Variants in OSBPL8 observed in about 807,000 individuals in gnomAD.
OSBPL8 encodes oxysterol binding protein like 8.
OSBPL8 carries 59 observed loss-of-function variants against 125.5 expected under a neutral mutation model. The ratio of observed to expected loss-of-function variants is 0.47; its 90% CI spans 0.38 to 0.58. OSBPL8 has a LOEUF of 0.58. Among genes scored for constraint, OSBPL8 ranks in the 20% least tolerant of loss-of-function variants. The pLI, the probability that OSBPL8 is intolerant of heterozygous loss-of-function variation, is 0.00. For missense variants in OSBPL8, 758 were observed against 1,047.8 expected, an observed-to-expected ratio of 0.72 and a Z score of 3.82; for synonymous variants, 330 against 338.9, an observed-to-expected ratio of 0.97 and a Z score of 0.29.
chr12:76,407,609 C>T (rs1954324680), intron 5 of OSBPL8, among the ~76,000 whole-genome samples: 1 of 152,180 alleles, frequency 6.6e-6, no homozygotes, highest in Non-Finnish European at 1.5e-5. Context: ...ACAGAATAAA[C>T]TAAGATTAAA....
chr12:76,387,229 G>T (rs965499015), intron 12 of OSBPL8, among the ~76,000 whole-genome samples: 1 of 152,174 alleles, frequency 6.6e-6, no homozygotes, highest in Non-Finnish European at 1.5e-5. Context: ...GTTGACGATA[G>T]CCTCTTTTGT....
intron 1 of OSBPL8, among the ~76,000 whole-genome samples, chr12:76,543,508 G>A (rs1162872554): frequency 6.6e-6 from 1 of 152,070 alleles, no homozygotes; most frequent in African/African-American, 2.4e-5. Context: ...ATTACATAGT[G>A]AATTGTGCAA....
chr12:76,455,745 C>A (rs1873957730), intron 3 of OSBPL8, among the ~76,000 whole-genome samples: 1 of 152,184 alleles, frequency 6.6e-6, no homozygotes, highest in African/African-American at 2.4e-5. Context: ...TTTCCTACAT[C>A]AGTTACATAA....
At chr12:76,523,370 T>C (rs941541647) in intron 1 of OSBPL8, among the ~76,000 whole-genome samples, 1 of 152,200 alleles carries the variant, frequency 6.6e-6, no homozygotes, top group East Asian at 1.9e-4. Context: ...ACAGAGAATG[T>C]AGCAGCTATC....
intron 1 of OSBPL8, among the ~76,000 whole-genome samples, chr12:76,488,422 C>A (rs1206949262): frequency 2.0e-5 from 3 of 152,132 alleles, no homozygotes; most frequent in Admixed American, 1.3e-4. Context: ...CGCTTTACTG[C>A]ACAAAGAGAT....
Position 76,470,372 on chromosome 12 carries a change from G to A in OSBPL8, c.43-10477C>T, listed in dbSNP as rs532964691. The stretch of plus-strand genomic sequence containing the variant: ...GAAAAGGTTATGAAATAGCACAACC[G>A]AAACCATATTATCACATCATAATCA... On this transcript the variant is annotated intron_variant, in intron 2 of 23. Transcript: ENST00000261183. Among the ~76,000 whole-genome samples the A allele has an allele frequency of 5.3e-4, 81 of 152,226 alleles. 1 individual carries two copies. In the South Asian group the frequency reaches 0.015, roughly 28 times the overall value.
chr12:76,456,346 G>A (rs1206825146), intron 3 of OSBPL8, among the ~76,000 whole-genome samples: 3 of 152,078 alleles, frequency 2.0e-5, no homozygotes, highest in South Asian at 2.1e-4. Context: ...TACAGCTGAC[G>A]TTTAAGCAGT....
In OSBPL8 at chr12:76,378,412, G is replaced by A. The variant is rs1294985695; in HGVS notation, c.1729+40C>T. 4 of 1,338,022 alleles carry A rather than the reference G, an allele frequency of 3.0e-6. No homozygotes were observed. The African/African-American group carries it at 4.4e-5, about 15-fold the overall frequency. The allele number at this position is 1,338,022 out of a possible 1,614,324, so 82.9% of individuals were successfully genotyped here. On this transcript the variant is annotated intron_variant, in intron 16 of 23. Transcript: ENST00000261183. ...CACAGCTACATACATTTACTTAAAA[G>A]GAAAGCTTAATATCTAATTCAAGTA...
At chr12:76,397,635 C>T (rs1953867810) in intron 8 of OSBPL8, 59 bp downstream of exon 8, 1 of 1,484,518 alleles carries the variant, frequency 6.7e-7, no homozygotes, top group Non-Finnish European at 9.3e-7. Context: ...TGATGTATCT[C>T]AGTTCTATTC....
rs1872108042 is a variant in OSBPL8 at position 76,440,917 on chromosome 12, T to A, written c.217+9934A>T. The stretch of plus-strand genomic sequence containing the variant: ...CAATAATTCTGCCCCTCCTGTTAAT[T>A]CCCTTATTTTACTGACAATTCACAT... On this transcript the variant is annotated intron_variant, in intron 4 of 23. Coordinates refer to ENST00000261183, the MANE Select transcript of OSBPL8 (RefSeq NM_020841.5). Among the ~76,000 whole-genome samples the A allele has an allele frequency of 2.6e-5, 4 of 152,120 alleles. No homozygotes were observed. The South Asian group carries it at 8.3e-4, about 31-fold the overall frequency.
At chr12:76,366,704 G>T (rs376928170) in intron 21 of OSBPL8, 1 of 247,772 alleles carries the variant, frequency 4.0e-6, no homozygotes, top group Non-Finnish European at 8.0e-6. Context: ...GCTGCATCTC[G>T]TAAGTTTTGT....
chr12:76,519,352 C>T (rs1407544432), intron 1 of OSBPL8, among the ~76,000 whole-genome samples: 1 of 152,178 alleles, frequency 6.6e-6, no homozygotes, highest in Non-Finnish European at 1.5e-5. Context: ...GAGACCTCAT[C>T]AGGCTAGCCT....
rs189034179 is a variant in OSBPL8, at chr12:76,407,178, A to T, written c.288+3386T>A. On this transcript the variant is annotated intron_variant, in intron 5 of 23. Coordinates refer to ENST00000261183, the MANE Select transcript of OSBPL8 (RefSeq NM_020841.5). Reference sequence around the variant, plus strand: ...AAATCTTCAGAATTCCACAAGTATGAGGTTTAATGATAAATGTATAAATTT... The same window carrying T: ...AAATCTTCAGAATTCCACAAGTATGTGGTTTAATGATAAATGTATAAATTT... Among the ~76,000 whole-genome samples the T allele has an allele frequency of 8.3e-4, 127 of 152,358 alleles. 1 individual carries two copies. The highest frequency in any genetic ancestry group is 4.4e-4 in the Non-Finnish European group (30 of 68,026).
chr12:76,453,409 A>G (rs1201851472), intron 3 of OSBPL8, among the ~76,000 whole-genome samples: 3 of 152,234 alleles, frequency 2.0e-5, no homozygotes, highest in Non-Finnish European at 4.4e-5. Context: ...ATTGACCTAA[A>G]GAACATAGCA....
At chr12:76,391,017 C>T (rs899401336) in intron 10 of OSBPL8, among the ~76,000 whole-genome samples, 19 of 152,078 alleles carry the variant, frequency 1.2e-4, no homozygotes, top group Admixed American at 9.8e-4. Flanking sequence ...GCATCACTTG[C>T]ATCAATCTCA....
rs74964976 is a variant in OSBPL8, at chr12:76,504,086, CAAA to C, written c.-67-16471_-67-16469del. Among the ~76,000 whole-genome samples, 843 of 98,336 alleles carry C rather than the reference CAAA, an allele frequency of 8.6e-3. 3 individuals are homozygous for C. The highest frequency in any genetic ancestry group is 0.015 in the Non-Finnish European group (639 of 41,954). The allele number at this position is 98,336 out of a possible 152,430, so 64.5% of individuals were successfully genotyped here. A position where few individuals can be genotyped will look rare whatever the true frequency, so the allele number is the denominator to read the frequency against. On this transcript the variant is annotated intron_variant, in intron 1 of 23. Coordinates refer to ENST00000261183, the MANE Select transcript of OSBPL8 (RefSeq NM_020841.5). The stretch of plus-strand genomic sequence containing the variant: ...GGATCTCATCCAACCACTTAAAGGC[CAAA>C]AAAAAAAAAAAAACCTGAGGTCCTA...
chr12:76,379,020 T>TGGGTGATCTGCCCACCTC (rs1420657333), intron 15 of OSBPL8, among the ~76,000 whole-genome samples: 3 of 151,902 alleles, frequency 2.0e-5, no homozygotes, highest in African/African-American at 4.9e-5. Context: ...CTGCCCACCT[T>TGGGTGATCTGCCCACCTC]GGGTGATCTG....
rs183033106 is a variant in OSBPL8 at position 76,355,737 on chromosome 12, A to C, written c.*152T>G. 5.9e-4 allele frequency: 433 copies of C among 736,668 alleles called. 1 individual carries two copies. The African/African-American group carries it at 7.1e-3, about 12-fold the overall frequency. 45.6% of individuals were successfully genotyped at this position (736,668 alleles called of 1,614,324 possible). A position where few individuals can be genotyped will look rare whatever the true frequency, so the allele number is the denominator to read the frequency against. On this transcript the variant is annotated 3_prime_UTR_variant, in exon 24 of 24. Coordinates refer to ENST00000261183, the MANE Select transcript of OSBPL8 (RefSeq NM_020841.5). The stretch of plus-strand genomic sequence containing the variant: ...TAGCTCTTGTTTCAGTGTGAAGATA[A>C]AAGATACGAAAAGTCAATACCTCTA...
At chr12:76,484,409 T>G (rs1254763485) in intron 2 of OSBPL8, among the ~76,000 whole-genome samples, 1 of 152,236 alleles carries the variant, frequency 6.6e-6, no homozygotes, top group Admixed American at 6.5e-5. Context: ...TCCTGACTTT[T>G]AATTATTTAT....
Sources: gnomAD v4.1 joint callset for allele counts (sites outside exome capture counted in the v4.1 genomes callset) on GRCh38, gnomAD v4.1.1 for gene constraint, MANE v1.5 for transcripts, NCBI Gene and HGNC (gene_info 2026-07-23, HGNC 2026-07-21) for gene names.